Variants in GZMK observed in about 807,000 individuals in gnomAD.
The protein encoded by GZMK is NK-Tryp-2.
GZMK carries 18 observed loss-of-function variants against 22.8 expected under a neutral mutation model. That is an observed-to-expected ratio of 0.79 (90% CI 0.54 to 1.17). GZMK has a LOEUF of 1.17. GZMK is among the 50% of genes most tolerant of loss of function. GZMK has a pLI of 0.00. For missense variants in GZMK, 342 were observed against 320.2 expected, an observed-to-expected ratio of 1.07 and a Z score of -0.52; for synonymous variants, 136 against 115.0, an observed-to-expected ratio of 1.18 and a Z score of -1.17.
Position 55,033,964 on chromosome 5 carries a change from T to G in GZMK, c.*38T>G. 1 of 1,552,984 alleles carries G rather than the reference T, an allele frequency of 6.4e-7. No individual in the cohort carries two copies. Among genetic ancestry groups the G allele is most frequent in the East Asian group, 2.2e-5 (1 of 44,514 alleles). On this transcript the variant is annotated 3_prime_UTR_variant, in exon 5 of 5. Coordinates refer to ENST00000231009, the MANE Select transcript of GZMK (RefSeq NM_002104.3). ...TTTATTGGATGCACTTGCTTCTTTT[T>G]TCCTAATATGCTCGCAGGTTAGAGT...
chr5:55,024,317 T>C lies in GZMK; in HGVS notation c.-6T>C. On this transcript the variant is annotated 5_prime_UTR_variant, in exon 1 of 5. Transcript: ENST00000231009. ...CATCTGGGCTTCTTAAATCTAAATC[T>C]TTAAAATGACTAAGTTTTCTTCCTT... The C allele has an allele frequency of 7.3e-7, 1 of 1,365,468 alleles. No individual in the cohort carries two copies. The highest frequency in any genetic ancestry group is 1.0e-6 in the Non-Finnish European group (1 of 955,992). 84.6% of individuals were successfully genotyped at this position (1,365,468 alleles called of 1,614,324 possible).
intron 2 of GZMK, among the ~76,000 whole-genome samples, chr5:55,026,352 C>A (rs1427357315): frequency 6.6e-6 from 1 of 151,640 alleles, no homozygotes; most frequent in Non-Finnish European, 1.5e-5. Context: ...GAAGCGGATT[C>A]CCAAATTGGG....
intron 4 of GZMK, among the ~76,000 whole-genome samples, chr5:55,031,942 CTGAA>C (rs1176623928): frequency 3.9e-5 from 6 of 152,302 alleles, no homozygotes; most frequent in Non-Finnish European, 8.8e-5. Flanking sequence ...TCTACCAACC[CTGAA>C]GTCACTAGTG....
Position 55,034,171 on chromosome 5 carries a change from C to T in GZMK, c.*245C>T, listed in dbSNP as rs148084189. The stretch of plus-strand genomic sequence containing the variant: ...TATCACATGAAGTAATATCTGCCCC[C>T]ATTGCACCCACACTCGCCAAAGGGC... On this transcript the variant is annotated 3_prime_UTR_variant, in exon 5 of 5. Transcript: ENST00000231009. 7.7e-3 allele frequency: 3,317 copies of T among 429,908 alleles called. 22 individuals carry two copies. Among genetic ancestry groups the T allele is most frequent in the Non-Finnish European group, 0.011 (2,583 of 243,120 alleles). The allele number at this position is 429,908 out of a possible 1,614,324, so 26.6% of individuals were successfully genotyped here.
At chr5:55,028,908 C>T (rs1160508182) in intron 2 of GZMK, among the ~76,000 whole-genome samples, 1 of 152,168 alleles carries the variant, frequency 6.6e-6, no homozygotes, top group African/African-American at 2.4e-5. Context: ...TGTTGAAACA[C>T]TGGTACTAGA....
rs1741271174 is a variant in GZMK at position 55,033,757 on chromosome 5, C to T, written c.634-8C>T. ...TTACCACGTATTTGCCCTTTTTCTTCCTTCCAGGGTGACTCAGGGGGCCCC... is the reference window on the plus strand; with the variant it reads ...TTACCACGTATTTGCCCTTTTTCTTTCTTCCAGGGTGACTCAGGGGGCCCC... On this transcript the variant is annotated splice_region_variant and splice_polypyrimidine_tract_variant and intron_variant, in intron 4 of 4. Transcript: ENST00000231009. 6.3e-7 allele frequency: 1 copy of T among 1,575,296 alleles called. No individual in the cohort carries two copies. Among genetic ancestry groups the T allele is most frequent in the Non-Finnish European group, 8.6e-7 (1 of 1,167,518 alleles).
At chr5:55,033,474 T>C (rs1483407187) in intron 4 of GZMK, among the ~76,000 whole-genome samples, 1 of 152,142 alleles carries the variant, frequency 6.6e-6, no homozygotes, top group Non-Finnish European at 1.5e-5. Context: ...TAGACATAGA[T>C]AGGGACAAAA....
intron 3 of GZMK, 88 bp downstream of exon 3, chr5:55,030,672 T>C (rs1741216135): frequency 1.1e-6 from 1 of 946,716 alleles, no homozygotes; most frequent in South Asian, 1.5e-5. Context: ...AAATGCATTT[T>C]GCTAGCACCC....
At chr5:55,031,948 TC>T (rs1231250012) in intron 4 of GZMK, among the ~76,000 whole-genome samples, 6 of 152,326 alleles carry the variant, frequency 3.9e-5, no homozygotes, top group Non-Finnish European at 8.8e-5. Context: ...AACCCTGAAG[TC>T]ACTAGTGGTG....
At chr5:55,033,256 AT>A (rs1306607062) in intron 4 of GZMK, among the ~76,000 whole-genome samples, 1 of 152,244 alleles carries the variant, frequency 6.6e-6, no homozygotes, top group Non-Finnish European at 1.5e-5. Flanking sequence ...AAATAAATAA[AT>A]AACAGAGAAC....
chr5:55,032,700 C>T (rs1741253306), intron 4 of GZMK: 1 of 152,124 alleles, frequency 6.6e-6, no homozygotes, highest in South Asian at 2.1e-4. Flanking sequence ...CCACTGCATT[C>T]CAGTCTGGGT....
intron 2 of GZMK, among the ~76,000 whole-genome samples, chr5:55,027,280 C>T (rs552619401): frequency 2.4e-4 from 37 of 152,266 alleles, no homozygotes; most frequent in African/African-American, 8.7e-4. Flanking sequence ...ATGGTAATAA[C>T]CAAGGAACTA....
chr5:55,032,089 T>C (rs1741243951), intron 4 of GZMK, among the ~76,000 whole-genome samples: 1 of 152,234 alleles, frequency 6.6e-6, no homozygotes, highest in Admixed American at 6.5e-5. Context: ...TGTCTTCGTC[T>C]GTTTGGGCTG....
At position 55,030,520 on chromosome 5, in the gene GZMK, A is replaced by G. The variant is rs769598474; in HGVS notation, c.299A>G (p.Lys100Arg). Residue 100 changes from lysine to arginine, a missense_variant, in exon 3 of 5, where the codon AAA becomes AGA. Transcript: ENST00000231009. ...NEASKQTLEI[K>R]KFIPFSRVTS... ...GCCTCCAAACAAACACTGGAGATCA[A>G]AAAATTTATACCATTCTCAAGAGTT... is the stretch of plus-strand genomic sequence containing the variant. 1 of 1,612,638 alleles carries G rather than the reference A, an allele frequency of 6.2e-7. No homozygotes were observed. The highest frequency in any genetic ancestry group is 1.1e-5 in the South Asian group (1 of 91,066).
chr5:55,033,861 AC>A lies in GZMK; in HGVS notation c.733del (p.Leu245CysfsTer2). 6.2e-7 allele frequency: 1 copy of A among 1,613,696 alleles called. No homozygotes were observed. Among genetic ancestry groups the A allele is most frequent in the South Asian group, 1.1e-5 (1 of 91,076 alleles). ...CGVATKPGIY[T>X]LLTKKYQTWI... ...TGTTGCCACAAAGCCTGGAATCTAC[AC>A]CCTGTTAACCAAGAAATACCAGACT... On this transcript the variant is annotated frameshift_variant, in exon 5 of 5. Coordinates refer to ENST00000231009, the MANE Select transcript of GZMK (RefSeq NM_002104.3). LOFTEE classifies it low-confidence loss of function (END_TRUNC).
intron 2 of GZMK, among the ~76,000 whole-genome samples, chr5:55,029,005 C>CCAGTAGATCACCTGAGGT (rs1208764034): frequency 1.8e-4 from 27 of 152,274 alleles, no homozygotes. Context: ...GAGGCTGAGG[C>CCAGTAGATCACCTGAGGT]CAGTAGATCA....
chr5:55,024,898 T>C lies in GZMK; in HGVS notation c.212+91T>C, dbSNP rs549406871. 3.6e-5 allele frequency: 28 copies of C among 780,638 alleles called. No homozygotes were observed. In the African/African-American group the frequency reaches 4.7e-4, roughly 13 times the overall value. 48.4% of individuals were successfully genotyped at this position (780,638 alleles called of 1,614,324 possible). A position where few individuals can be genotyped will look rare whatever the true frequency, so the allele number is the denominator to read the frequency against. The stretch of plus-strand genomic sequence containing the variant: ...TTACCTCTCCTGAATGAGAATTTGA[T>C]CTACTGTTAGCTTCTGTGGTTACTG... On this transcript the variant is annotated intron_variant, in intron 2 of 4. Transcript: ENST00000231009.
chr5:55,031,305 A>G lies in GZMK; in HGVS notation c.364-59A>G, dbSNP rs1246371571. On this transcript the variant is annotated intron_variant, in intron 3 of 4. Transcript: ENST00000231009. Reference sequence around the variant, plus strand: ...CAGAGGGACCACACATACGACGCACAGGCTAGCATCAGAATACTACTGGGA... The same window carrying G: ...CAGAGGGACCACACATACGACGCACGGGCTAGCATCAGAATACTACTGGGA... The G allele has an allele frequency of 2.1e-6, 3 of 1,442,262 alleles. No homozygotes were observed. The East Asian group carries it at 6.8e-5, about 33-fold the overall frequency. 89.3% of individuals were successfully genotyped at this position (1,442,262 alleles called of 1,614,324 possible).
chr5:55,030,724 C>A, intron 3 of GZMK, 140 bp downstream of exon 3: 1 of 666,850 alleles, frequency 1.5e-6, no homozygotes. Context: ...TATAAGGGCC[C>A]ATGTTATTCC....
Sources: allele counts gnomAD v4.1 joint callset (sites outside exome capture counted in the v4.1 genomes callset), GRCh38; gene constraint gnomAD v4.1.1; transcripts MANE v1.5; gene names NCBI Gene and HGNC (gene_info 2026-07-23, HGNC 2026-07-21).